FASN: variants seen among roughly 807,000 people sequenced by gnomAD.
FASN encodes the protein fatty acid synthase.
Under a neutral mutation model 250.0 loss-of-function variants are expected in FASN, and 50 were observed. The observed-to-expected ratio is 0.20, with a 90% CI of 0.16 to 0.25. The LOEUF is 0.25. Among genes scored for constraint, FASN ranks in the 10% least tolerant of loss-of-function variants. FASN has a pLI of 1.00. For synonymous variants in FASN, 1,909 were observed against 1,584.0 expected (o/e 1.21, Z -4.87); for missense variants, 3,031 against 3,498.5 (o/e 0.87, Z 3.37).
rs45506801 is a variant in FASN, at chr17:82,085,337, G to A, written c.4188C>T (p.Tyr1396=). The change falls in exon 24 of 43, where the codon TAC becomes TAT. Residue 1396 remains tyrosine (Y), a synonymous_variant. Transcript: ENST00000306749. The stretch of plus-strand genomic sequence containing the variant: ...GGCGGCACAGGAAGAGCGTGGAGCC[G>A]TAGAAGGACTTCTTCAGGCCCACCA... ...LRLVGLKKSF[Y]GSTLFLCRRP... is the part of the protein sequence containing the mutation. The A allele has an allele frequency of 1.7e-3, 2,685 of 1,611,624 alleles. 24 individuals are homozygous for A. The African/African-American group carries it at 0.032, about 19-fold the overall frequency.
At chr17:82,079,978 G>C (rs2033958428) in intron 41 of FASN, 162 bp downstream of exon 41, 2 of 813,400 alleles carry the variant, frequency 2.5e-6, no homozygotes, top group Admixed American at 4.2e-5. Context: ...AAAGTGCCGG[G>C]ATTACAGGCA....
In FASN at chr17:82,088,110, C is replaced by T; in HGVS notation, c.2785+6G>A. On this transcript the variant is annotated splice_donor_region_variant and intron_variant, in intron 17 of 42. Transcript: ENST00000306749. ...ACCCCCGCCTTGGTCCTGGGGTACC[C>T]CTCACCAGTCTTGGGCAGGATGGTG... 1.9e-6 allele frequency: 3 copies of T among 1,612,776 alleles called. No individual in the cohort carries two copies. Among genetic ancestry groups the T allele is most frequent in the South Asian group, 1.1e-5 (1 of 91,078 alleles).
Position 82,086,257 on chromosome 17 carries a change from C to T in FASN, c.3729G>A (p.Val1243=), listed in dbSNP as rs1327520895. 1 of 1,562,676 alleles carries T rather than the reference C, an allele frequency of 6.4e-7. No individual in the cohort carries two copies. The highest frequency in any genetic ancestry group is 1.2e-5 in the South Asian group (1 of 86,312). ...TGGCTGCCCAGGAGGCACCCACCTC[C>T]ACCACCTTCATCTTCAGGCTGGGCA... is the stretch of plus-strand genomic sequence containing the variant. ...ENMPSLKMKV[V]EVLAGHGHLY... The change falls in exon 22 of 43, where the codon GTG becomes GTA. Residue 1243 remains valine (V), a synonymous_variant. Coordinates refer to ENST00000306749, the MANE Select transcript of FASN (RefSeq NM_004104.5).
Position 82,087,417 on chromosome 17 carries a change from T to A in FASN, c.3131A>T (p.His1044Leu). 6.2e-7 allele frequency: 1 copy of A among 1,612,658 alleles called. No individual in the cohort carries two copies. Among genetic ancestry groups the A allele is most frequent in the Non-Finnish European group, 8.5e-7 (1 of 1,179,970 alleles). ...GACACGGGTGGGCAGGTACAGGCCG[T>A]GCTTGGCCGAGCCCAGGATGGACAT... is the stretch of plus-strand genomic sequence containing the variant. ...LQMSILGSAKHGLYLPTRVTA... is the reference protein window; with the variant it reads ...LQMSILGSAKLGLYLPTRVTA... Residue 1044 changes from histidine (H) to leucine (L), a missense_variant, in exon 20 of 43, where the codon CAC (histidine) becomes CTC (leucine). By Grantham distance (99) the His-to-Leu change is moderately conservative. Coordinates refer to ENST00000306749, the MANE Select transcript of FASN (RefSeq NM_004104.5).
At chr17:82,080,284 T>A in intron 40 of FASN, 46 bp from the exon 41 acceptor site, 2 of 1,611,328 alleles carry the variant, frequency 1.2e-6, no homozygotes, top group Non-Finnish European at 1.7e-6. Flanking sequence ...GGGCGGGGCC[T>A]CCTAAGCGAC....
At position 82,080,231 on chromosome 17, in the gene FASN, C is replaced by T. The variant is rs1276803968; in HGVS notation, c.7055G>A (p.Arg2352Gln). The change falls in exon 41 of 43, where the codon CGG becomes CAG. Residue 2352 changes from arginine (R) to glutamine (Q), a missense_variant. By Grantham distance (43) the Arg-to-Gln change is conservative. Transcript: ENST00000306749. ...CTCACAGCCTGGGGTCAGCTTTGCC[C>T]GGTAGCTCTGAGAGGAAGGAGGGAC... ...TYVLAYTQSYRAKLTPGCEAE... is the reference protein window; with the variant it reads ...TYVLAYTQSYQAKLTPGCEAE... 2 of 1,612,970 alleles carry T rather than the reference C, an allele frequency of 1.2e-6. No individual in the cohort carries two copies. The highest frequency in any genetic ancestry group is 1.7e-5 in the Admixed American group (1 of 60,010).
chr17:82,088,050 G>T lies in FASN; in HGVS notation c.2786-16C>A. The T allele has an allele frequency of 6.2e-7, 1 of 1,612,742 alleles. No homozygotes were observed. The highest frequency in any genetic ancestry group is 8.5e-7 in the Non-Finnish European group (1 of 1,179,938). On this transcript the variant is annotated splice_polypyrimidine_tract_variant and intron_variant, in intron 17 of 42. Coordinates refer to ENST00000306749, the MANE Select transcript of FASN (RefSeq NM_004104.5). ...GACACTGTCCCTGCAGAGCGGGAGA[G>T]TTGGAGATCAGAGGGCAGCACCCGC...
At chr17:82,083,710 C>T (rs2034033774) in intron 30 of FASN, 62 bp downstream of exon 30, 3 of 1,606,984 alleles carry the variant, frequency 1.9e-6, no homozygotes, top group Non-Finnish European at 8.5e-7. Context: ...AGGGCCAGAC[C>T]CTGCTTCTCC....
chr17:82,095,180 G>A (rs1351700022), intron 3 of FASN, 140 bp downstream of exon 3: 18 of 1,056,508 alleles, frequency 1.7e-5, no homozygotes, highest in East Asian at 4.8e-5. Context: ...CCCTGAGCCC[G>A]TTGGCCAGGC....
chr17:82,091,442 C>A lies in FASN; in HGVS notation c.1272G>T (p.Leu424=), dbSNP rs369449209. The stretch of plus-strand genomic sequence containing the variant: ...CCTCAGGGGTGCGTCCGCTGGCCCG[C>A]AGCAGACGGGGCAGGGTGGCATGTG... ...PAPHATLPRL[L]RASGRTPEAV... The change falls in exon 9 of 43, where the codon CTG becomes CTT. Residue 424 remains leucine (L), a synonymous_variant. Coordinates refer to ENST00000306749, the MANE Select transcript of FASN (RefSeq NM_004104.5). 5 of 1,607,454 alleles carry A rather than the reference C, an allele frequency of 3.1e-6. 1 individual carries two copies. Among genetic ancestry groups the A allele is most frequent in the South Asian group, 2.2e-5 (2 of 90,398 alleles).
chr17:82,092,578 G>A lies in FASN; in HGVS notation c.906C>T (p.Pro302=). Residue 302 remains proline (P), a synonymous_variant, in exon 8 of 43, where the codon CCC becomes CCT. Transcript: ENST00000306749. The part of the protein sequence containing the change: ...AHGTGTKVGD[P]QELNGITRAL... The stretch of plus-strand genomic sequence containing the variant: ...CTCGGGTGATGCCATTCAGCTCCTG[G>A]GGGTCGCCCACCTGTGGGAAACATG... 6.2e-7 allele frequency: 1 copy of A among 1,607,286 alleles called. No homozygotes were observed. Among genetic ancestry groups the A allele is most frequent in the Non-Finnish European group, 8.5e-7 (1 of 1,179,636 alleles).
At chr17:82,087,018 G>C (rs1164036730) in intron 21 of FASN, 32 bp downstream of exon 21, 1 of 1,608,474 alleles carries the variant, frequency 6.2e-7, no homozygotes, top group Admixed American at 1.7e-5. Context: ...CATCGCCAGA[G>C]GTGTCCGAAG....
Position 82,082,786 on chromosome 17 carries a change from C to T in FASN, c.5768-108G>A, listed in dbSNP as rs903726147. 36 of 1,551,800 alleles carry T rather than the reference C, an allele frequency of 2.3e-5. No homozygotes were observed. In the Admixed American group the frequency reaches 6.5e-4, roughly 28 times the overall value. On this transcript the variant is annotated intron_variant, in intron 33 of 42. Transcript: ENST00000306749. Reference sequence around the variant, plus strand: ...CCGCAGAGCCCCATCCAGCAAGCCCCCCACAAGATGGAGGGGGACAGACCC... The same window carrying T: ...CCGCAGAGCCCCATCCAGCAAGCCCTCCACAAGATGGAGGGGGACAGACCC...
Position 82,090,434 on chromosome 17 carries a change from T to C in FASN, c.1811A>G (p.Tyr604Cys). The C allele has an allele frequency of 6.2e-7, 1 of 1,603,592 alleles. No individual in the cohort carries two copies. Among genetic ancestry groups the C allele is most frequent in the South Asian group, 1.1e-5 (1 of 89,400 alleles). Residue 604 changes from tyrosine (Y) to cysteine (C), a missense_variant, in exon 11 of 43, where the codon TAC (tyrosine) becomes TGC (cysteine). Physicochemically the swap from Tyr to Cys is radical, Grantham distance 194 (BLOSUM62 -2). Transcript: ENST00000306749. ...TTCTTTGATGCACTGTCCCCTCCAG[T>C]AGGCAGCGAGGACGGCCTCCTCCTG... ...LSQEEAVLAA[Y>C]WRGQCIKEAH...
intron 6 of FASN, 28 bp downstream of exon 6, chr17:82,092,869 A>C (rs201045896): frequency 6.3e-7 from 1 of 1,590,996 alleles, no homozygotes; most frequent in South Asian, 1.1e-5. Flanking sequence ...CCTGCCCCCC[A>C]GCACCCCGGA....
At chr17:82,094,906 G>C (rs1453339511) in intron 3 of FASN, among the ~76,000 whole-genome samples, 2 of 151,098 alleles carry the variant, frequency 1.3e-5, no homozygotes, top group African/African-American at 4.9e-5. Flanking sequence ...CCTGGGGTGG[G>C]GGGACGTGGG....
At position 82,082,305 on chromosome 17, in the gene FASN, G is replaced by A. The variant is rs1568105978; in HGVS notation, c.6011+18C>T. 1.9e-6 allele frequency: 3 copies of A among 1,611,760 alleles called. No individual in the cohort carries two copies. The highest frequency in any genetic ancestry group is 2.7e-5 in the African/African-American group (2 of 75,064). ...CCAGAGCCCGGCAGAGGCGGGAGCAGGGCTGTGCGGTACCCACCTGTCCAG... is the reference window on the plus strand; with the variant it reads ...CCAGAGCCCGGCAGAGGCGGGAGCAAGGCTGTGCGGTACCCACCTGTCCAG... On this transcript the variant is annotated intron_variant, in intron 35 of 42. Transcript: ENST00000306749.
intron 9 of FASN, 39 bp from the exon 10 acceptor site, chr17:82,091,108 C>T (rs780978240): frequency 5.5e-5 from 89 of 1,606,686 alleles, no homozygotes; most frequent in African/African-American, 2.8e-4. Flanking sequence ...AGCCCCATCC[C>T]GTGCCACTGT....
At chr17:82,079,673 C>T in intron 41 of FASN, 65 bp from the exon 42 acceptor site, 1 of 1,539,650 alleles carries the variant, frequency 6.5e-7, no homozygotes. Flanking sequence ...CTGTGCTACA[C>T]TGCGGGTGGG....
Sources: allele counts gnomAD v4.1 joint callset (sites outside exome capture counted in the v4.1 genomes callset), GRCh38; gene constraint gnomAD v4.1.1; transcripts MANE v1.5; gene names NCBI Gene and HGNC (gene_info 2026-07-23, HGNC 2026-07-21).